TSPAN12: variants seen among roughly 807,000 people sequenced by gnomAD.
TSPAN12 encodes the protein tetraspanin 12, also known as tetraspanin-12.
TSPAN12 carries 19 observed loss-of-function variants against 39.2 expected under a neutral mutation model. The ratio of observed to expected loss-of-function variants is 0.49; its 90% CI spans 0.34 to 0.71. TSPAN12 has a LOEUF of 0.71. Among genes scored for constraint, TSPAN12 ranks in the 30% least tolerant of loss-of-function variants. The pLI is 0.01. For missense variants in TSPAN12, 314 were observed against 359.9 expected (o/e 0.87, Z 1.03); for synonymous variants, 119 against 124.8 (o/e 0.95, Z 0.31).
intron 5 of TSPAN12, among the ~76,000 whole-genome samples, chr7:120,814,521 G>T (rs1467412805): frequency 6.6e-6 from 1 of 152,210 alleles, no homozygotes; most frequent in Non-Finnish European, 1.5e-5. Context: ...TACAAAGTTT[G>T]TGGGGAAAAA....
intron 4 of TSPAN12, among the ~76,000 whole-genome samples, chr7:120,823,545 A>C (rs1794227788): frequency 6.6e-6 from 1 of 152,140 alleles, no homozygotes; most frequent in Admixed American, 6.6e-5. Context: ...CAATCTAACC[A>C]AAATTATGAA....
intron 7 of TSPAN12, among the ~76,000 whole-genome samples, chr7:120,791,742 T>C (rs899828067): frequency 1.3e-5 from 2 of 152,226 alleles, no homozygotes; most frequent in Non-Finnish European, 2.9e-5. Flanking sequence ...TTTCAGTTTA[T>C]CTTAAACAAT....
chr7:120,791,264 G>A (rs1793517087), intron 7 of TSPAN12, among the ~76,000 whole-genome samples: 1 of 152,042 alleles, frequency 6.6e-6, no homozygotes, highest in Non-Finnish European at 1.5e-5. Context: ...GGGAGGCAGA[G>A]GTTGCAGTGA....
At chr7:120,831,032 CAA>C (rs369904499) in intron 4 of TSPAN12, among the ~76,000 whole-genome samples, 31 of 151,792 alleles carry the variant, frequency 2.0e-4, no homozygotes, top group African/African-American at 7.2e-4. Flanking sequence ...CAACAGAAGA[CAA>C]AGAGATGAAA....
chr7:120,829,299 T>C (rs1794345985), intron 4 of TSPAN12, among the ~76,000 whole-genome samples: 2 of 152,104 alleles, frequency 1.3e-5, no homozygotes, highest in Admixed American at 6.6e-5. Flanking sequence ...AAAATTTATA[T>C]AGTTTCAAGA....
chr7:120,829,647 G>A (rs1020696239), intron 4 of TSPAN12, among the ~76,000 whole-genome samples: 1 of 152,142 alleles, frequency 6.6e-6, no homozygotes, highest in Non-Finnish European at 1.5e-5. Flanking sequence ...CCTCAAGGAA[G>A]CATTCGCTGA....
chr7:120,856,962 G>C, intron 1 of TSPAN12, 129 bp from the exon 2 acceptor site: 1 of 634,876 alleles, frequency 1.6e-6, no homozygotes, highest in East Asian at 2.7e-5. Flanking sequence ...TCGAGACATC[G>C]CCTCATCAAA....
At chr7:120,801,352 T>G (rs1001618198) in intron 7 of TSPAN12, among the ~76,000 whole-genome samples, 4 of 152,086 alleles carry the variant, frequency 2.6e-5, no homozygotes, top group African/African-American at 7.2e-5. Context: ...GGAGAAGAAA[T>G]AAATAAACTT....
intron 2 of TSPAN12, among the ~76,000 whole-genome samples, chr7:120,848,648 G>T (rs1429994670): frequency 1.3e-5 from 2 of 151,908 alleles, no homozygotes; most frequent in South Asian, 4.2e-4. Context: ...TTTTTTCACA[G>T]GAGTATACCC....
intron 7 of TSPAN12, among the ~76,000 whole-genome samples, chr7:120,804,027 G>A (rs1164461432): frequency 6.6e-6 from 1 of 152,094 alleles, no homozygotes; most frequent in African/African-American, 2.4e-5. Flanking sequence ...TTGATCTCAT[G>A]ATCAATAGTA....
chr7:120,820,664 T>C (rs1453212027), intron 4 of TSPAN12, among the ~76,000 whole-genome samples: 1 of 152,192 alleles, frequency 6.6e-6, no homozygotes, highest in East Asian at 1.9e-4. Flanking sequence ...CCTCCACTGC[T>C]AGATCATCAG....
chr7:120,856,788 C>T lies in TSPAN12; in HGVS notation c.-25G>A. The stretch of plus-strand genomic sequence containing the variant: ...TTGTGAGCCCCGTAAGGGAGAAGCC[C>T]CATCCTTTCACCACATCCTACTCCC... On this transcript the variant is annotated 5_prime_UTR_variant, in exon 2 of 8. Coordinates refer to ENST00000222747, the MANE Select transcript of TSPAN12 (RefSeq NM_012338.4). 2 of 1,613,880 alleles carry T rather than the reference C, an allele frequency of 1.2e-6. No individual in the cohort carries two copies. Among genetic ancestry groups the T allele is most frequent in the Non-Finnish European group, 8.5e-7 (1 of 1,179,818 alleles).
intron 7 of TSPAN12, among the ~76,000 whole-genome samples, chr7:120,798,458 T>C (rs1793675992): frequency 6.6e-6 from 1 of 152,150 alleles, no homozygotes; most frequent in Admixed American, 6.6e-5. Context: ...AAATAACCAC[T>C]GAACCTGCAA....
At position 120,847,233 on chromosome 7, in the gene TSPAN12, C is replaced by CA. The variant is rs76785160; in HGVS notation, c.67-7125dup. Among the ~76,000 whole-genome samples, 902 of 107,448 alleles carry CA rather than the reference C, an allele frequency of 8.4e-3. 8 individuals are homozygous for CA. Among genetic ancestry groups the CA allele is most frequent in the East Asian group, 0.062 (181 of 2,940 alleles). The allele number at this position is 107,448 out of a possible 152,430, so 70.5% of individuals were successfully genotyped here. On this transcript the variant is annotated intron_variant, in intron 2 of 7. Transcript: ENST00000222747. ...CCTACTTCATAGAAGAGCTATATGA[C>CA]AAAAAAAAAAAAAACAAAAAACCAG... is the stretch of plus-strand genomic sequence containing the variant.
intron 4 of TSPAN12, among the ~76,000 whole-genome samples, chr7:120,829,100 G>A (rs1169537375): frequency 6.6e-6 from 1 of 152,030 alleles, no homozygotes; most frequent in African/African-American, 2.4e-5. Flanking sequence ...ATTCAAATGC[G>A]CTGCTTAACA....
chr7:120,804,134 A>G (rs1793826261), intron 7 of TSPAN12, among the ~76,000 whole-genome samples: 1 of 152,156 alleles, frequency 6.6e-6, no homozygotes, highest in Admixed American at 6.6e-5. Flanking sequence ...CGCTACCAGT[A>G]AAAACTAACA....
intron 7 of TSPAN12, among the ~76,000 whole-genome samples, chr7:120,799,980 T>A (rs1793733609): frequency 6.7e-6 from 1 of 150,040 alleles, no homozygotes; most frequent in Admixed American, 6.7e-5. Flanking sequence ...TTTCTATCAG[T>A]CAAAACAAAC....
At chr7:120,855,363 G>A (rs558483824) in intron 2 of TSPAN12, among the ~76,000 whole-genome samples, 1 of 152,298 alleles carries the variant, frequency 6.6e-6, no homozygotes, top group East Asian at 1.9e-4. Flanking sequence ...GCTCCTTTTA[G>A]AAGTGGAATG....
intron 3 of TSPAN12, 106 bp downstream of exon 3, chr7:120,839,921 A>G (rs949737718): frequency 2.8e-5 from 26 of 942,992 alleles, no homozygotes; most frequent in Non-Finnish European, 4.1e-5. Flanking sequence ...ATGGGCAGGA[A>G]AAACTTTTCC....
Sources: gnomAD v4.1 joint callset for allele counts (sites outside exome capture counted in the v4.1 genomes callset) on GRCh38, gnomAD v4.1.1 for gene constraint, MANE v1.5 for transcripts, NCBI Gene and HGNC (gene_info 2026-07-23, HGNC 2026-07-21) for gene names.